Variants in MECR observed in about 807,000 individuals in gnomAD.
The protein encoded by MECR is enoyl-[acyl-carrier-protein] reductase, mitochondrial.
Under a neutral mutation model 49.1 loss-of-function variants are expected in MECR, and 37 were observed. The ratio of observed to expected loss-of-function variants is 0.75; its 90% CI spans 0.58 to 0.99. The LOEUF (loss-of-function observed/expected upper bound fraction) is 0.99, where lower values mean the gene tolerates loss of function less well. Ranked by LOEUF, MECR falls within the 50% of genes least tolerant of loss-of-function variation. MECR has a pLI of 0.00. For synonymous variants in MECR, 198 were observed against 191.1 expected, an observed-to-expected ratio of 1.04 and a Z score of -0.30; for missense variants, 470 against 479.6, an observed-to-expected ratio of 0.98 and a Z score of 0.19.
intron 1 of MECR, chr1:29,229,168 A>C (rs1195090721): frequency 1.3e-5 from 2 of 150,166 alleles, no homozygotes; most frequent in African/African-American, 4.9e-5. Context: ...AATTTATCTG[A>C]GGCTTATCCT....
At position 29,196,095 on chromosome 1, in the gene MECR, A is replaced by G. The variant is rs748132434; in HGVS notation, c.892-82T>C. On this transcript the variant is annotated intron_variant, in intron 8 of 9. Coordinates refer to ENST00000263702, the MANE Select transcript of MECR (RefSeq NM_016011.5). Reference sequence around the variant, plus strand: ...TAAGGGTACAGACTCCCCTCCAGGAACGGGGCATTGCCTAAGCTTAGACAG... The same window carrying G: ...TAAGGGTACAGACTCCCCTCCAGGAGCGGGGCATTGCCTAAGCTTAGACAG... 8 of 1,596,410 alleles carry G rather than the reference A, an allele frequency of 5.0e-6. No homozygotes were observed. The African/African-American group carries it at 9.4e-5, about 19-fold the overall frequency.
the MECR span, chr1:29,181,796 T>C: frequency 6.7e-7 from 1 of 1,498,532 alleles, no homozygotes; most frequent in Non-Finnish European, 8.9e-7. Flanking sequence ...CAGCCCCCCT[T>C]AGGCGGCGGC....
chr1:29,212,130 C>T (rs1359243256), intron 3 of MECR, among the ~76,000 whole-genome samples: 1 of 152,182 alleles, frequency 6.6e-6, no homozygotes, highest in Non-Finnish European at 1.5e-5. Flanking sequence ...AAAAGACTCA[C>T]CTGCTGGCCA....
rs569456506 is a variant in MECR at position 29,216,995 on chromosome 1, G to T, written c.177-310C>A. On this transcript the variant is annotated intron_variant, in intron 1 of 9. Transcript: ENST00000263702. ...ACTAAAATACAAAAATTAGCTGGGC[G>T]TGGTGGTCGGCGCCTGTAATCCCAG... 2.0e-5 allele frequency among the ~76,000 whole-genome samples: 3 copies of T among 151,818 alleles called. No individual in the cohort carries two copies. The South Asian group carries it at 6.2e-4, about 32-fold the overall frequency.
chr1:29,224,478 G>C (rs895457567), intron 1 of MECR: 2 of 152,266 alleles, frequency 1.3e-5, no homozygotes, highest in South Asian at 2.1e-4. Flanking sequence ...TGTCACAGCC[G>C]GACAATTGTT....
At chr1:29,185,806 C>A in the MECR span, among the ~76,000 whole-genome samples, 5 of 152,082 alleles carry the variant, frequency 3.3e-5, no homozygotes, top group African/African-American at 7.2e-5. Context: ...GGCAAAAACC[C>A]GTCTCTGCAG....
At chr1:29,174,041 T>C in the MECR span, among the ~76,000 whole-genome samples, 2 of 151,322 alleles carry the variant, frequency 1.3e-5, no homozygotes, top group Middle Eastern at 3.4e-3. Context: ...ATACAAAAAT[T>C]AGCGGGGTGT....
intron 3 of MECR, among the ~76,000 whole-genome samples, chr1:29,208,785 T>C (rs1295274999): frequency 6.6e-6 from 1 of 152,210 alleles, no homozygotes; most frequent in Non-Finnish European, 1.5e-5. Context: ...AGTTTCATTC[T>C]AGTGGAGTCG....
chr1:29,192,678 G>A lies in MECR; in HGVS notation c.*1344C>T, dbSNP rs368588137. On this transcript the variant is annotated 3_prime_UTR_variant, in exon 10 of 10. Coordinates refer to ENST00000263702, the MANE Select transcript of MECR (RefSeq NM_016011.5). ...CTGAAGCCTCTGTTCTTTGCTTTGA[G>A]CAAATGAATCGTGAAGCAAATACCA... Among the ~76,000 whole-genome samples, 9 of 152,268 alleles carry A rather than the reference G, an allele frequency of 5.9e-5. No homozygotes were observed. Among genetic ancestry groups the A allele is most frequent in the African/African-American group, 2.2e-4 (9 of 41,546 alleles).
chr1:29,169,688 G>A, the MECR span: 5 of 152,050 alleles, frequency 3.3e-5, no homozygotes, highest in Admixed American at 2.6e-4. Context: ...TAAACCAACT[G>A]CTGAAAAAAA....
intron 5 of MECR, 41 bp downstream of exon 5, chr1:29,203,089 AC>A: frequency 1.3e-6 from 2 of 1,489,900 alleles, no homozygotes; most frequent in Non-Finnish European, 1.8e-6. Flanking sequence ...GGTGGGAAAG[AC>A]CCAAGACATG....
At chr1:29,223,869 G>A (rs1274601548) in intron 1 of MECR, 6 of 152,194 alleles carry the variant, frequency 3.9e-5, no homozygotes, top group South Asian at 2.1e-4. Context: ...CTGGGCTCTC[G>A]GGGAGAGCTC....
intron 3 of MECR, among the ~76,000 whole-genome samples, chr1:29,212,947 C>T (rs375911848): frequency 1.3e-5 from 2 of 152,194 alleles, no homozygotes; most frequent in African/African-American, 2.4e-5. Flanking sequence ...CGTTCACACA[C>T]GCTGCACTCT....
the MECR span, among the ~76,000 whole-genome samples, chr1:29,178,259 T>C: frequency 6.6e-6 from 1 of 152,142 alleles, no homozygotes; most frequent in East Asian, 1.9e-4. Flanking sequence ...GCCTAACATA[T>C]CTACTGATAC....
the MECR span, chr1:29,181,832 C>CGGCGGCGGCGGCAACGGGCG: frequency 2.6e-6 from 3 of 1,171,538 alleles, no homozygotes; most frequent in Non-Finnish European, 3.3e-6. Context: ...ACGGCGGCAG[C>CGGCGGCGGCGGCAACGGGCG]GGCGGCGGCG....
At chr1:29,226,952 CTTTTTTTTTTTT>C (rs890320572) in intron 1 of MECR, among the ~76,000 whole-genome samples, 5 of 99,722 alleles carry the variant, frequency 5.0e-5, no homozygotes, top group Non-Finnish European at 1.0e-4. Context: ...TGGGAACTAT[CTTTTTTTTTTTT>C]TTTTTTTTTT....
chr1:29,208,765 C>T (rs942451219), intron 3 of MECR, among the ~76,000 whole-genome samples: 5 of 152,134 alleles, frequency 3.3e-5, no homozygotes, highest in African/African-American at 1.2e-4. Context: ...ACAATACAGA[C>T]AGTTTCCTTA....
chr1:29,200,650 T>G, intron 6 of MECR, 61 bp from the exon 7 acceptor site: 1 of 1,456,674 alleles, frequency 6.9e-7, no homozygotes, highest in South Asian at 1.1e-5. Context: ...GGTCTGAAGC[T>G]TGCCCAAGTG....
At position 29,215,205 on chromosome 1, in the gene MECR, AC is replaced by A. The variant is rs547831876; in HGVS notation, c.406+799del. ...CTGCTGAGGCTACAATGGATTTTCCACCATTTCCCAATCTCACCTTTGTGTC... is the reference window on the plus strand; with the variant it reads ...CTGCTGAGGCTACAATGGATTTTCCACATTTCCCAATCTCACCTTTGTGTC... On this transcript the variant is annotated intron_variant, in intron 3 of 9. Transcript: ENST00000263702. Among the ~76,000 whole-genome samples the A allele has an allele frequency of 2.0e-5, 3 of 152,262 alleles. No individual in the cohort carries two copies. In the South Asian group the frequency reaches 6.2e-4, roughly 32 times the overall value.
Sources: gnomAD v4.1 joint callset for allele counts (sites outside exome capture counted in the v4.1 genomes callset) on GRCh38, gnomAD v4.1.1 for gene constraint, MANE v1.5 for transcripts, NCBI Gene and HGNC (gene_info 2026-07-23, HGNC 2026-07-21) for gene names.